KSR1: variants seen among roughly 807,000 people sequenced by gnomAD.
The protein encoded by KSR1 is kinase suppressor of ras 1.
In KSR1, 35 loss-of-function variants were observed where a neutral mutation model predicts 92.9. The observed-to-expected ratio is 0.38, with a 90% CI of 0.29 to 0.50. The LOEUF is 0.50. Ranked by LOEUF, KSR1 falls within the 20% of genes least tolerant of loss-of-function variation. The probability of loss-of-function intolerance (pLI) is 0.94; values close to 1 mark genes in which losing one functional copy is unlikely to be tolerated. For synonymous variants in KSR1, 467 were observed against 472.6 expected, an observed-to-expected ratio of 0.99 and a Z score of 0.15; for missense variants, 972 against 1,158.5, an observed-to-expected ratio of 0.84 and a Z score of 2.34.
At chr17:27,586,470 A>G (rs1489644138) in intron 5 of KSR1, among the ~76,000 whole-genome samples, 3 of 152,178 alleles carry the variant, frequency 2.0e-5, no homozygotes, top group Non-Finnish European at 2.9e-5. Flanking sequence ...GGCAGGGACT[A>G]TGCTGAAGTG....
intron 1 of KSR1, among the ~76,000 whole-genome samples, chr17:27,528,446 G>C (rs1287791508): frequency 6.6e-6 from 1 of 151,984 alleles, no homozygotes; most frequent in Non-Finnish European, 1.5e-5. Flanking sequence ...ATTTGTTAAA[G>C]GTCACACCGC....
intron 11 of KSR1, 79 bp downstream of exon 11, chr17:27,601,480 T>C: frequency 8.3e-7 from 1 of 1,201,912 alleles, no homozygotes; most frequent in Non-Finnish European, 1.2e-6. Flanking sequence ...GGGCGCCCTC[T>C]CTCTGGGTAC....
intron 11 of KSR1, among the ~76,000 whole-genome samples, chr17:27,603,041 T>C (rs1416413658): frequency 2.0e-5 from 3 of 152,200 alleles, no homozygotes; most frequent in African/African-American, 4.8e-5. Flanking sequence ...CTGTCTCTCT[T>C]TTTGCAGAAA....
chr17:27,541,957 T>G (rs766052311), intron 1 of KSR1, among the ~76,000 whole-genome samples: 3 of 152,238 alleles, frequency 2.0e-5, no homozygotes, highest in Non-Finnish European at 4.4e-5. Flanking sequence ...CATCCCGATG[T>G]AGCTTTGTTT....
chr17:27,477,764 G>T (rs2068389643), intron 1 of KSR1, among the ~76,000 whole-genome samples: 1 of 151,564 alleles, frequency 6.6e-6, no homozygotes. Context: ...CCAGGCTGGA[G>T]TGCAGTAGTG....
At chr17:27,475,880 C>T (rs890375451) in intron 1 of KSR1, among the ~76,000 whole-genome samples, 1 of 152,008 alleles carries the variant, frequency 6.6e-6, no homozygotes, top group African/African-American at 2.4e-5. Flanking sequence ...ACTGTTACAT[C>T]GAGGAAAAAT....
chr17:27,542,786 T>TAA (rs994814850), intron 1 of KSR1, among the ~76,000 whole-genome samples: 2 of 152,242 alleles, frequency 1.3e-5, no homozygotes, highest in African/African-American at 4.8e-5. Context: ...GACATTGGAC[T>TAA]AAACACTTTG....
In KSR1 at chr17:27,577,677, G is replaced by A. The variant is rs376492449; in HGVS notation, c.520+38G>A. 181 of 1,470,652 alleles carry A rather than the reference G, an allele frequency of 1.2e-4. No individual in the cohort carries two copies. The African/African-American group carries it at 1.6e-3, about 13-fold the overall frequency. The allele number at this position is 1,470,652 out of a possible 1,614,324, so 91.1% of individuals were successfully genotyped here. ...TGCCACCCTCTCCCTTGCCTGGCCT[G>A]GTGCCCTTGGGGCTGTGGCCTTCAC... On this transcript the variant is annotated intron_variant, in intron 3 of 20. Coordinates refer to ENST00000644974, the MANE Select transcript of KSR1 (RefSeq NM_001394583.1). The surrounding 1 kb of genome is among the most constrained non-coding windows in gnomAD (Gnocchi z 4.5).
chr17:27,525,503 A>G (rs1023823390), intron 1 of KSR1, among the ~76,000 whole-genome samples: 1 of 152,238 alleles, frequency 6.6e-6, no homozygotes, highest in Non-Finnish European at 1.5e-5. Context: ...GCTAAGAACC[A>G]TGGTAAGGAT....
At chr17:27,571,945 G>A (rs1446019002) in intron 2 of KSR1, among the ~76,000 whole-genome samples, 1 of 152,160 alleles carries the variant, frequency 6.6e-6, no homozygotes, top group Non-Finnish European at 1.5e-5. Flanking sequence ...TAAATCCCTG[G>A]ATACCATTTG....
At chr17:27,594,332 G>GTGCCCCC (rs2073267288) in intron 9 of KSR1, among the ~76,000 whole-genome samples, 1 of 152,036 alleles carries the variant, frequency 6.6e-6, no homozygotes, top group South Asian at 2.1e-4. Context: ...CAGGAATGCA[G>GTGCCCCC]TGCCCCCTGC....
At position 27,559,143 on chromosome 17, in the gene KSR1, G is replaced by A. The variant is rs772315486; in HGVS notation, c.372+8435G>A. ...AATAATGCCTTTTCTACTAGAGGAA[G>A]AGAGGGGATAGACATGGATGTGGTC... On this transcript the variant is annotated intron_variant, in intron 2 of 20. Transcript: ENST00000644974. The surrounding 1 kb of genome is among the most constrained non-coding windows in gnomAD (Gnocchi z 4.2). 1.3e-5 allele frequency among the ~76,000 whole-genome samples: 2 copies of A among 152,240 alleles called. No individual in the cohort carries two copies. Among genetic ancestry groups the A allele is most frequent in the Non-Finnish European group, 2.9e-5 (2 of 68,042 alleles).
At chr17:27,492,290 T>C (rs2068855131) in intron 1 of KSR1, among the ~76,000 whole-genome samples, 1 of 152,210 alleles carries the variant, frequency 6.6e-6, no homozygotes, top group African/African-American at 2.4e-5. Flanking sequence ...CATGTTGACC[T>C]TGCTTTCCCG....
At chr17:27,460,619 C>T (rs1161502070) in intron 1 of KSR1, among the ~76,000 whole-genome samples, 3 of 152,108 alleles carry the variant, frequency 2.0e-5, no homozygotes. Flanking sequence ...GCCCTGGAGC[C>T]GCAGGGGGTC....
intron 1 of KSR1, among the ~76,000 whole-genome samples, chr17:27,537,788 A>C (rs556271392): frequency 2.0e-5 from 3 of 152,392 alleles, no homozygotes; most frequent in Admixed American, 2.0e-4. Context: ...CCTAGTACCT[A>C]GGAATGCCCA....
intron 1 of KSR1, among the ~76,000 whole-genome samples, chr17:27,489,043 A>G (rs957116712): frequency 1.3e-5 from 2 of 152,176 alleles, no homozygotes; most frequent in African/African-American, 4.8e-5. Flanking sequence ...ATACAGAAAC[A>G]TTTGCAGCAC....
At chr17:27,487,476 T>TGGTG (rs1056424699) in intron 1 of KSR1, among the ~76,000 whole-genome samples, 1 of 150,416 alleles carries the variant, frequency 6.6e-6, no homozygotes, top group Non-Finnish European at 1.5e-5. Flanking sequence ...GGGCTGGGTG[T>TGGTG]GGTGACTCAC....
chr17:27,494,031 G>C (rs1473882332), intron 1 of KSR1, among the ~76,000 whole-genome samples: 1 of 152,220 alleles, frequency 6.6e-6, no homozygotes, highest in East Asian at 1.9e-4. Flanking sequence ...TGTAGCAGCT[G>C]TCATCAATGT....
chr17:27,513,558 T>G, intron 1 of KSR1, among the ~76,000 whole-genome samples: 1 of 152,238 alleles, frequency 6.6e-6, no homozygotes, highest in East Asian at 1.9e-4. Flanking sequence ...CATCTTCATA[T>G]TAACCTTGTA....
Sources: allele counts gnomAD v4.1 joint callset (sites outside exome capture counted in the v4.1 genomes callset), GRCh38; gene constraint gnomAD v4.1.1; non-coding constraint Gnocchi (gnomAD v3.1); transcripts MANE v1.5; gene names NCBI Gene and HGNC (gene_info 2026-07-23, HGNC 2026-07-21).